LVRN: variants seen among roughly 807,000 people sequenced by gnomAD.
The protein encoded by LVRN is aminopeptidase Q.
LVRN carries 99 observed loss-of-function variants against 111.4 expected under a neutral mutation model. The observed-to-expected ratio is 0.89, with a 90% CI of 0.76 to 1.05. The LOEUF is 1.05. LVRN is among the 50% of genes least tolerant of loss of function. LVRN has a pLI of 0.00. For missense variants in LVRN, 1,414 were observed against 1,206.8 expected, an observed-to-expected ratio of 1.17 and a Z score of -2.54; for synonymous variants, 488 against 449.5, an observed-to-expected ratio of 1.09 and a Z score of -1.08.
rs540730251 is a variant in LVRN, at chr5:115,983,417, A to G, written c.826A>G (p.Met276Val). ...TCCAAGTTATGTGGCCCTTTCCAAC[A>G]TGCCAAAGCTAGGTAAGTAATGCTT... Reference protein sequence around the residue: ...HHPSYVALSNMPKLGQSEKED... With the variant: ...HHPSYVALSNVPKLGQSEKED... The change falls in exon 2 of 20, where the codon ATG becomes GTG. Residue 276 changes from methionine (M) to valine (V), a missense_variant. Transcript: ENST00000357872. 6.2e-7 allele frequency: 1 copy of G among 1,600,694 alleles called. No homozygotes were observed. Among genetic ancestry groups the G allele is most frequent in the East Asian group, 2.2e-5 (1 of 44,812 alleles).
chr5:116,024,531 A>G (rs981969345), intron 19 of LVRN, among the ~76,000 whole-genome samples: 1 of 152,164 alleles, frequency 6.6e-6, no homozygotes, highest in Non-Finnish European at 1.5e-5. Flanking sequence ...TATTCCCTGG[A>G]CAAGGGAAAG....
At chr5:115,988,228 C>G (rs1374453900) in intron 4 of LVRN, among the ~76,000 whole-genome samples, 9 of 152,188 alleles carry the variant, frequency 5.9e-5, no homozygotes. Context: ...CCTACTTTCT[C>G]TTTTGAGTTC....
chr5:115,964,265 T>G (rs1753155530), intron 1 of LVRN, among the ~76,000 whole-genome samples: 1 of 152,200 alleles, frequency 6.6e-6, no homozygotes, highest in South Asian at 2.1e-4. Context: ...CCTTTATTAT[T>G]AGAGAAAATG....
Position 115,962,509 on chromosome 5 carries a change from G to T in LVRN, c.-109G>T. 1.0e-6 allele frequency: 1 copy of T among 997,790 alleles called. No homozygotes were observed. Among genetic ancestry groups the T allele is most frequent in the East Asian group, 2.5e-5 (1 of 39,480 alleles). 61.8% of individuals were successfully genotyped at this position (997,790 alleles called of 1,614,324 possible). A position where few individuals can be genotyped will look rare whatever the true frequency, so the allele number is the denominator to read the frequency against. On this transcript the variant is annotated 5_prime_UTR_variant, in exon 1 of 20. Transcript: ENST00000357872. Reference sequence around the variant, plus strand: ...AGGCTCTTCCAGGAGGAAGAGGCACGATACAAGAGAGGAGGGGCAGGGGTC... The same window carrying T: ...AGGCTCTTCCAGGAGGAAGAGGCACTATACAAGAGAGGAGGGGCAGGGGTC...
intron 18 of LVRN, among the ~76,000 whole-genome samples, chr5:116,018,407 C>T (rs770073175): frequency 2.0e-4 from 31 of 151,926 alleles, no homozygotes; most frequent in African/African-American, 6.8e-4. Context: ...CGGTGGCTCA[C>T]GCCTGTAATA....
intron 5 of LVRN, 115 bp downstream of exon 5, chr5:115,992,392 A>G (rs1176174009): frequency 1.6e-6 from 2 of 1,225,542 alleles, no homozygotes; most frequent in Admixed American, 4.5e-5. Context: ...AAAAAGAAAA[A>G]CATCTCAAAG....
chr5:115,977,770 T>C (rs1753478379), intron 1 of LVRN, among the ~76,000 whole-genome samples: 1 of 152,150 alleles, frequency 6.6e-6, no homozygotes, highest in African/African-American at 2.4e-5. Flanking sequence ...TTCACATCTG[T>C]CAATTAAGAT....
chr5:116,007,322 C>T (rs148152742), intron 13 of LVRN, among the ~76,000 whole-genome samples: 1,972 of 152,240 alleles, frequency 0.013, 22 homozygotes, highest in Non-Finnish European at 0.021. Flanking sequence ...ACCTATTAGG[C>T]CCCATTTCTC....
intron 6 of LVRN, among the ~76,000 whole-genome samples, chr5:115,998,694 A>G (rs193142629): frequency 6.6e-6 from 1 of 152,296 alleles, no homozygotes; most frequent in African/African-American, 2.4e-5. Context: ...CAGCATCAGC[A>G]TCATTGGGTA....
intron 14 of LVRN, 61 bp downstream of exon 14, chr5:116,010,955 T>G: frequency 7.9e-7 from 1 of 1,269,832 alleles, no homozygotes; most frequent in Non-Finnish European, 1.0e-6. Context: ...TTTCATATTT[T>G]AGCCAGCATC....
At chr5:116,019,444 AG>A (rs1292428536) in intron 18 of LVRN, among the ~76,000 whole-genome samples, 1 of 152,200 alleles carries the variant, frequency 6.6e-6, no homozygotes, top group Non-Finnish European at 1.5e-5. Flanking sequence ...AGTTTACAAC[AG>A]GGTTCACTCT....
chr5:115,987,434 A>C (rs973710643), intron 3 of LVRN, among the ~76,000 whole-genome samples: 1 of 152,148 alleles, frequency 6.6e-6, no homozygotes, highest in African/African-American at 2.4e-5. Flanking sequence ...TCACAGTGCA[A>C]TTCTGTTTTG....
intron 4 of LVRN, 70 bp downstream of exon 4, chr5:115,988,009 T>C: frequency 6.5e-7 from 1 of 1,541,752 alleles, no homozygotes; most frequent in Non-Finnish European, 8.8e-7. Context: ...GGCCTCAAGA[T>C]ACACAGACAA....
chr5:116,005,215 T>G (rs1748334370), intron 12 of LVRN, among the ~76,000 whole-genome samples: 1 of 152,226 alleles, frequency 6.6e-6, no homozygotes, highest in African/African-American at 2.4e-5. Flanking sequence ...GCTCGGACCC[T>G]TAAAGAAATG....
intron 10 of LVRN, 122 bp downstream of exon 10, chr5:116,001,361 CTG>C (rs1276747457): frequency 4.3e-6 from 5 of 1,162,822 alleles, no homozygotes; most frequent in Non-Finnish European, 6.3e-6. Flanking sequence ...TGCAATGTGA[CTG>C]TGTACTAGGG....
At chr5:116,003,607 A>T (rs1432097571) in intron 12 of LVRN, among the ~76,000 whole-genome samples, 1 of 130,654 alleles carries the variant, frequency 7.7e-6, no homozygotes, top group African/African-American at 3.0e-5. Context: ...TTTGAGACGG[A>T]GTCTTGCTCT....
intron 14 of LVRN, among the ~76,000 whole-genome samples, chr5:116,012,075 TA>T (rs1280903623): frequency 6.6e-6 from 1 of 152,174 alleles, no homozygotes; most frequent in Non-Finnish European, 1.5e-5. Context: ...TTATAGCCAA[TA>T]TTTTTTGAGT....
chr5:116,015,214 C>A, intron 16 of LVRN, 38 bp from the exon 17 acceptor site: 1 of 1,466,590 alleles, frequency 6.8e-7, no homozygotes, highest in South Asian at 1.4e-5. Flanking sequence ...GTAAACATAA[C>A]TACTATGAAA....
chr5:116,022,778 A>G (rs1748759701), intron 19 of LVRN, among the ~76,000 whole-genome samples: 1 of 152,170 alleles, frequency 6.6e-6, no homozygotes, highest in African/African-American at 2.4e-5. Flanking sequence ...GCCCTGTTCC[A>G]GAGCTTCAGT....
Sources: allele counts gnomAD v4.1 joint callset (sites outside exome capture counted in the v4.1 genomes callset), GRCh38; gene constraint gnomAD v4.1.1; transcripts MANE v1.5; gene names NCBI Gene and HGNC (gene_info 2026-07-23, HGNC 2026-07-21).